NUP210L: variants seen among roughly 807,000 people sequenced by gnomAD.
NUP210L encodes the protein nuclear pore membrane glycoprotein 210-like.
A neutral mutation model predicts 208.5 loss-of-function variants in NUP210L; 74 were observed. That is an observed-to-expected ratio of 0.35 (90% CI 0.29 to 0.43). The LOEUF (loss-of-function observed/expected upper bound fraction) is 0.43. Ranked by LOEUF, NUP210L falls within the 20% of genes least tolerant of loss-of-function variation. NUP210L has a pLI of 1.00. For synonymous variants in NUP210L, 780 were observed against 816.9 expected (o/e 0.95, Z 0.77); for missense variants, 1,843 against 2,289.4 (o/e 0.81, Z 3.98).
chr1:154,133,111 A>G (rs1276843484), intron 7 of NUP210L, among the ~76,000 whole-genome samples: 1 of 152,150 alleles, frequency 6.6e-6, no homozygotes, highest in Non-Finnish European at 1.5e-5. Flanking sequence ...CTTTAGCTTC[A>G]CTGTCTTCCT....
chr1:154,045,351 ATG>A (rs36076439), intron 27 of NUP210L, among the ~76,000 whole-genome samples: 39,269 of 151,968 alleles, frequency 0.26, 5,527 homozygotes, highest in Admixed American at 0.37. Flanking sequence ...ATATAATCAA[ATG>A]TGTGTCTGAA....
chr1:154,007,607 C>G (rs1056372118), intron 35 of NUP210L, among the ~76,000 whole-genome samples: 6 of 151,430 alleles, frequency 4.0e-5, no homozygotes, highest in African/African-American at 1.5e-4. Context: ...GAGTCTCACT[C>G]TGTTGCCCAG....
chr1:154,135,104 A>G (rs1571315460), intron 7 of NUP210L, among the ~76,000 whole-genome samples: 1 of 152,266 alleles, frequency 6.6e-6, no homozygotes, highest in East Asian at 1.9e-4. Context: ...ATTGCTCTCA[A>G]CACAATAAAA....
At chr1:154,125,127 A>T (rs1657821400) in intron 10 of NUP210L, among the ~76,000 whole-genome samples, 1 of 152,104 alleles carries the variant, frequency 6.6e-6, no homozygotes. Flanking sequence ...CCACACAGTG[A>T]AACGCCTTCT....
chr1:154,072,762 A>G (rs1287689715), intron 16 of NUP210L, among the ~76,000 whole-genome samples: 1 of 152,214 alleles, frequency 6.6e-6, no homozygotes, highest in Non-Finnish European at 1.5e-5. Context: ...CCTTATACAA[A>G]AATCAATTCG....
At chr1:154,125,704 A>T (rs1287603422) in intron 10 of NUP210L, among the ~76,000 whole-genome samples, 2 of 32,356 alleles carry the variant, frequency 6.2e-5, no homozygotes, top group Admixed American at 4.3e-4. Context: ...GAAGGAAGGA[A>T]GGAAGGAAGG....
chr1:154,013,018 A>C (rs527480059), intron 33 of NUP210L, among the ~76,000 whole-genome samples: 29 of 149,906 alleles, frequency 1.9e-4, no homozygotes, highest in African/African-American at 6.9e-4. Flanking sequence ...AAAAAAAAAA[A>C]AAAAAACAAA....
chr1:154,068,053 TCAAGCTAC>T (rs1270697543), intron 17 of NUP210L, among the ~76,000 whole-genome samples: 2 of 152,132 alleles, frequency 1.3e-5, no homozygotes, highest in African/African-American at 4.8e-5. Flanking sequence ...GCCATCCCCA[TCAAGCTAC>T]CAATGACTTT....
At chr1:154,025,963 C>T (rs1651855253) in intron 29 of NUP210L, among the ~76,000 whole-genome samples, 1 of 152,098 alleles carries the variant, frequency 6.6e-6, no homozygotes, top group East Asian at 1.9e-4. Flanking sequence ...TGGCTCATGT[C>T]TGTAATCCCA....
At chr1:154,131,010 T>A (rs543317725) in intron 7 of NUP210L, among the ~76,000 whole-genome samples, 2 of 151,984 alleles carry the variant, frequency 1.3e-5, no homozygotes, top group Non-Finnish European at 2.9e-5. Context: ...ATCACGCCTG[T>A]AATCTCAGCA....
At chr1:154,141,179 T>C (rs1301643115) in intron 4 of NUP210L, among the ~76,000 whole-genome samples, 6 of 152,170 alleles carry the variant, frequency 3.9e-5, no homozygotes, top group African/African-American at 7.2e-5. Context: ...AAGATATACC[T>C]GGCTCAAATA....
intron 37 of NUP210L, among the ~76,000 whole-genome samples, chr1:153,997,707 T>C (rs1412060913): frequency 6.7e-6 from 1 of 149,184 alleles, no homozygotes; most frequent in African/African-American, 2.4e-5. Context: ...TTTTTTTTTT[T>C]TTTGAGACAG....
intron 16 of NUP210L, among the ~76,000 whole-genome samples, chr1:154,071,136 G>A (rs771529733): frequency 1.4e-5 from 2 of 147,462 alleles, no homozygotes; most frequent in Non-Finnish European, 3.0e-5. Context: ...TCTCTCAGTT[G>A]CATGGGCTGG....
chr1:154,070,725 A>C (rs1172660051), intron 16 of NUP210L, among the ~76,000 whole-genome samples: 1 of 151,800 alleles, frequency 6.6e-6, no homozygotes, highest in African/African-American at 2.4e-5. Context: ...TATGGCTGTT[A>C]TTTTGTTTTG....
intron 16 of NUP210L, among the ~76,000 whole-genome samples, chr1:154,078,186 G>A (rs550491999): frequency 2.7e-5 from 4 of 150,892 alleles, no homozygotes; most frequent in African/African-American, 4.9e-5. Flanking sequence ...AGTGGCGTGC[G>A]TGTACCTGTA....
exon 17 of NUP210L, chr1:154,070,459 C>T (rs1328214190): frequency 6.4e-7 from 1 of 1,550,730 alleles, no homozygotes; most frequent in Admixed American, 2.1e-5. Flanking sequence ...AGTCTTGATA[C>T]AGGAATCTGC....
chr1:154,058,926 C>T (rs999730947), intron 20 of NUP210L, among the ~76,000 whole-genome samples: 4 of 152,192 alleles, frequency 2.6e-5, no homozygotes, highest in African/African-American at 9.7e-5. Flanking sequence ...CAGTGGCTCA[C>T]GCCTATAATC....
At chr1:154,065,696 C>A (rs1031690776) in intron 17 of NUP210L, among the ~76,000 whole-genome samples, 2 of 151,808 alleles carry the variant, frequency 1.3e-5, no homozygotes, top group African/African-American at 4.8e-5. Context: ...AGCTCGAGAC[C>A]ATCTTGGGCA....
intron 15 of NUP210L, among the ~76,000 whole-genome samples, chr1:154,091,481 T>TTTTTCTTTTC (rs779528378): frequency 6.7e-6 from 1 of 149,672 alleles, no homozygotes; most frequent in South Asian, 2.1e-4. Flanking sequence ...GCAACATGTC[T>TTTTTCTTTTC]TTTTCTTTTC....
Sources: allele counts gnomAD v4.1 joint callset (sites outside exome capture counted in the v4.1 genomes callset), GRCh38; gene constraint gnomAD v4.1.1; transcripts MANE v1.5; gene names NCBI Gene and HGNC (gene_info 2026-07-23, HGNC 2026-07-21).